BTBD9: variants seen among roughly 807,000 people sequenced by gnomAD.
BTBD9 encodes the protein BTB/POZ domain-containing protein 9.
Under a neutral mutation model 64.3 loss-of-function variants are expected in BTBD9, and 49 were observed. The ratio of observed to expected loss-of-function variants is 0.76; its 90% confidence interval spans 0.61 to 0.97. The LOEUF (loss-of-function observed/expected upper bound fraction) is 0.97. Among genes scored for constraint, BTBD9 ranks in the 50% least tolerant of loss-of-function variants. BTBD9 has a pLI of 0.00. For missense variants in BTBD9, 598 were observed against 762.1 expected, an observed-to-expected ratio of 0.78 and a Z score of 2.53; for synonymous variants, 260 against 274.7, an observed-to-expected ratio of 0.95 and a Z score of 0.53.
chr6:38,441,518 T>C (rs903176035), intron 6 of BTBD9, among the ~76,000 whole-genome samples: 5 of 152,078 alleles, frequency 3.3e-5, no homozygotes, highest in Admixed American at 6.6e-5. Flanking sequence ...ACATCTGAGA[T>C]GTTCCCACCT....
chr6:38,418,152 C>T (rs2127271329), intron 6 of BTBD9, among the ~76,000 whole-genome samples: 1 of 152,216 alleles, frequency 6.6e-6, no homozygotes, highest in Non-Finnish European at 1.5e-5. Flanking sequence ...TATAAAGGAT[C>T]TTGATGAAAC....
In BTBD9 at chr6:38,230,495, CAAAAAAAAAAAA is replaced by C. The variant is rs55927635; in HGVS notation, c.1562+25902_1562+25913del. Among the ~76,000 whole-genome samples the C allele has an allele frequency of 6.3e-5, 4 of 63,442 alleles. No homozygotes were observed. The East Asian group carries it at 1.9e-3, about 30-fold the overall frequency. The allele number at this position is 63,442 out of a possible 152,430, so 41.6% of individuals were successfully genotyped here. ...GGGCAACAAGAGCAAAACTCCATCT[CAAAAAAAAAAAA>C]AAAAAAAAAAAAAAGACATAAGTTC... On this transcript the variant is annotated intron_variant, in intron 9 of 10. Coordinates refer to ENST00000481247, the MANE Select transcript of BTBD9 (RefSeq NM_001099272.2).
intron 8 of BTBD9, among the ~76,000 whole-genome samples, chr6:38,262,274 T>C (rs1561941702): frequency 6.6e-6 from 1 of 152,204 alleles, no homozygotes. Flanking sequence ...TCAGAAGCCA[T>C]TTTCAAAAGG....
intron 8 of BTBD9, 48 bp from the exon 9 acceptor site, chr6:38,256,564 T>C: frequency 7.1e-7 from 1 of 1,404,952 alleles, no homozygotes; most frequent in Non-Finnish European, 1.0e-6. Flanking sequence ...TTTAACTGGT[T>C]GTTTCTTTAG....
chr6:38,504,869 C>G (rs1183433625), intron 6 of BTBD9, among the ~76,000 whole-genome samples: 1 of 152,152 alleles, frequency 6.6e-6, no homozygotes, highest in African/African-American at 2.4e-5. Flanking sequence ...TGAATTAGGT[C>G]GATTCCGGTG....
intron 10 of BTBD9, chr6:38,179,503 T>C (rs1357175844): frequency 2.2e-6 from 1 of 456,756 alleles, no homozygotes. Context: ...CCTGCACTCA[T>C]GCCAAGGACT....
At chr6:38,193,117 C>G (rs1582028770) in intron 9 of BTBD9, among the ~76,000 whole-genome samples, 1 of 152,062 alleles carries the variant, frequency 6.6e-6, no homozygotes, top group Admixed American at 6.5e-5. Flanking sequence ...TTCATAAATA[C>G]ATTTCCCCAT....
chr6:38,486,342 C>T lies in BTBD9; in HGVS notation c.1154+91258G>A, dbSNP rs181134225. ...AAGAACTTTTCCTTTGCATTCACAA[C>T]TTGGCAAACTGTCTTAAGAGGCTTA... On this transcript the variant is annotated intron_variant, in intron 6 of 10. Coordinates refer to ENST00000481247, the MANE Select transcript of BTBD9 (RefSeq NM_001099272.2). 1.2e-3 allele frequency among the ~76,000 whole-genome samples: 178 copies of T among 152,340 alleles called. 6 individuals are homozygous for T. The highest frequency in any genetic ancestry group is 1.0e-4 in the Non-Finnish European group (7 of 68,028).
chr6:38,377,444 C>A (rs1470381095), intron 6 of BTBD9, among the ~76,000 whole-genome samples: 1 of 152,166 alleles, frequency 6.6e-6, no homozygotes, highest in Non-Finnish European at 1.5e-5. Flanking sequence ...TAGTATGCAA[C>A]TGTTACAGCT....
intron 6 of BTBD9, among the ~76,000 whole-genome samples, chr6:38,492,149 C>G (rs898211798): frequency 1.3e-5 from 2 of 152,152 alleles, no homozygotes; most frequent in Admixed American, 6.5e-5. Flanking sequence ...CACAAAGAAA[C>G]AAAGGCCAGC....
intron 6 of BTBD9, among the ~76,000 whole-genome samples, chr6:38,545,952 C>G (rs1774537139): frequency 6.6e-6 from 1 of 151,024 alleles, no homozygotes; most frequent in African/African-American, 2.4e-5. Context: ...TGGCAGCAGG[C>G]AGACCAGGTA....
In BTBD9 at chr6:38,285,303, T is replaced by C. The variant is rs190949267; in HGVS notation, c.1454+2969A>G. ...TGTTTAGGCTGTACTGACAGAACTT[T>C]ATGGCTGACTGGATGAGAGAGGAAG... On this transcript the variant is annotated intron_variant, in intron 8 of 10. Transcript: ENST00000481247. Among the ~76,000 whole-genome samples, 184 of 152,256 alleles carry C rather than the reference T, an allele frequency of 1.2e-3. 1 individual carries two copies. Among genetic ancestry groups the C allele is most frequent in the Admixed American group, 2.8e-3 (43 of 15,280 alleles).
chr6:38,227,625 G>A (rs1023291217), intron 9 of BTBD9, among the ~76,000 whole-genome samples: 10 of 152,178 alleles, frequency 6.6e-5, no homozygotes, highest in African/African-American at 2.4e-4. Flanking sequence ...AGGCCATAAA[G>A]ACTCCTGCAG....
At position 38,594,240 on chromosome 6, in the gene BTBD9, T is replaced by C. The variant is rs1562392557; in HGVS notation, c.273A>G (p.Leu91=). 1 of 1,614,094 alleles carries C rather than the reference T, an allele frequency of 6.2e-7. No individual in the cohort carries two copies. The highest frequency in any genetic ancestry group is 8.5e-7 in the Non-Finnish European group (1 of 1,179,982). ...CCCGCCCAGTGTAGATATATTTGAG[T>C]AGCATTGTGAATGCTTCTGCAGTGG... ...QDTTAEAFTM[L]LKYIYTGRAT... The change falls in exon 3 of 11, where the codon CTA becomes CTG. Residue 91 remains leucine, a synonymous_variant. Transcript: ENST00000481247.
intron 6 of BTBD9, among the ~76,000 whole-genome samples, chr6:38,398,586 C>T (rs557277995): frequency 6.6e-6 from 1 of 152,322 alleles, no homozygotes; most frequent in South Asian, 2.1e-4. Flanking sequence ...CTCTGTCTAC[C>T]TGCTCACTGG....
chr6:38,460,613 G>GT (rs201420310), intron 6 of BTBD9, among the ~76,000 whole-genome samples: 1 of 151,796 alleles, frequency 6.6e-6, no homozygotes, highest in Non-Finnish European at 1.5e-5. Context: ...CACAGTTAGG[G>GT]TTTTTTTTGT....
At chr6:38,218,048 G>A (rs899813890) in intron 9 of BTBD9, among the ~76,000 whole-genome samples, 1 of 152,184 alleles carries the variant, frequency 6.6e-6, no homozygotes, top group African/African-American at 2.4e-5. Flanking sequence ...TAGCTCAGCA[G>A]TCACGTGAGC....
At chr6:38,401,148 TG>T (rs1408245936) in intron 6 of BTBD9, among the ~76,000 whole-genome samples, 1 of 152,196 alleles carries the variant, frequency 6.6e-6, no homozygotes, top group East Asian at 1.9e-4. Context: ...GGGAGGGACC[TG>T]GTGGGAGGTG....
At chr6:38,607,338 T>C (rs534604730) in intron 1 of BTBD9, among the ~76,000 whole-genome samples, 1 of 152,160 alleles carries the variant, frequency 6.6e-6, no homozygotes, top group Admixed American at 6.5e-5. Context: ...TGACGATATA[T>C]GTCTTTCTAA....
Sources: gnomAD v4.1 joint callset for allele counts (sites outside exome capture counted in the v4.1 genomes callset) on GRCh38, gnomAD v4.1.1 for gene constraint, MANE v1.5 for transcripts, NCBI Gene and HGNC (gene_info 2026-07-23, HGNC 2026-07-21) for gene names.